Variants in DCC observed in about 807,000 individuals in gnomAD.
DCC encodes the protein netrin receptor DCC.
In DCC, 58 loss-of-function variants were observed where a neutral mutation model predicts 172.5. The observed-to-expected ratio is 0.34, with a 90% CI of 0.27 to 0.42. The LOEUF (loss-of-function observed/expected upper bound fraction) is 0.42. DCC is among the 10% of genes least tolerant of loss of function. The probability of loss-of-function intolerance (pLI) is 1.00; values close to 1 mark genes in which losing one functional copy is unlikely to be tolerated. For synonymous variants in DCC, 709 were observed against 644.5 expected (o/e 1.10, Z -1.52); for missense variants, 1,740 against 1,791.0 (o/e 0.97, Z 0.51).
At chr18:52,675,554 G>A (rs1455223424) in intron 1 of DCC, among the ~76,000 whole-genome samples, 2 of 152,142 alleles carry the variant, frequency 1.3e-5, no homozygotes, top group African/African-American at 4.8e-5. Flanking sequence ...TGACCACCTT[G>A]GGTACATAAT....
At chr18:52,747,048 C>T (rs987259408) in intron 1 of DCC, among the ~76,000 whole-genome samples, 1 of 151,986 alleles carries the variant, frequency 6.6e-6, no homozygotes, top group Non-Finnish European at 1.5e-5. Flanking sequence ...AGATAAGAAA[C>T]GCTAGCCAAT....
At chr18:52,636,032 G>A (rs1401162056) in intron 1 of DCC, among the ~76,000 whole-genome samples, 8 of 152,178 alleles carry the variant, frequency 5.3e-5, no homozygotes, top group Non-Finnish European at 1.0e-4. Context: ...CCCCAACTGC[G>A]GAAGCGGGAA....
intron 12 of DCC, among the ~76,000 whole-genome samples, chr18:53,254,638 C>T (rs542313690): frequency 2.6e-5 from 4 of 152,142 alleles, no homozygotes; most frequent in Non-Finnish European, 5.9e-5. Context: ...ACACCCAGTT[C>T]TATTCCCATG....
chr18:53,014,052 C>A (rs1017270276), intron 5 of DCC, among the ~76,000 whole-genome samples: 1 of 152,124 alleles, frequency 6.6e-6, no homozygotes, highest in African/African-American at 2.4e-5. Context: ...AGCTGTACCT[C>A]AAACCCAGTC....
At chr18:53,307,395 T>C (rs964949930) in intron 13 of DCC, among the ~76,000 whole-genome samples, 2 of 152,164 alleles carry the variant, frequency 1.3e-5, no homozygotes, top group African/African-American at 2.4e-5. Flanking sequence ...ATATGACTTT[T>C]ACTTTGAGAG....
At chr18:52,756,388 C>T (rs1255804036) in intron 2 of DCC, among the ~76,000 whole-genome samples, 1 of 152,176 alleles carries the variant, frequency 6.6e-6, no homozygotes, top group Non-Finnish European at 1.5e-5. Context: ...GAGCTTTCCG[C>T]TGTTGCCATC....
chr18:52,532,923 T>C (rs1443743127), intron 1 of DCC, among the ~76,000 whole-genome samples: 1 of 152,082 alleles, frequency 6.6e-6, no homozygotes, highest in Non-Finnish European at 1.5e-5. Flanking sequence ...GAGAACACCA[T>C]ACCTATTAGT....
chr18:52,942,310 A>G (rs1488425922), intron 5 of DCC, among the ~76,000 whole-genome samples: 1 of 152,194 alleles, frequency 6.6e-6, no homozygotes, highest in Non-Finnish European at 1.5e-5. Context: ...TGTTCAACTC[A>G]TGAAGTAACC....
At chr18:52,770,157 C>T (rs1480889831) in intron 2 of DCC, among the ~76,000 whole-genome samples, 1 of 152,188 alleles carries the variant, frequency 6.6e-6, no homozygotes, top group African/African-American at 2.4e-5. Flanking sequence ...TCCCTTCTCT[C>T]TCTTTTCCTC....
intron 5 of DCC, among the ~76,000 whole-genome samples, chr18:52,945,944 A>G (rs2040538408): frequency 6.6e-6 from 1 of 152,218 alleles, no homozygotes; most frequent in South Asian, 2.1e-4. Flanking sequence ...TGGAACTTCC[A>G]TTCCTGACTA....
chr18:53,100,290 G>T (rs2043152091), intron 7 of DCC, among the ~76,000 whole-genome samples: 2 of 152,044 alleles, frequency 1.3e-5, no homozygotes, highest in African/African-American at 4.8e-5. Context: ...AGCATGAAAT[G>T]AGAAAAGAGT....
chr18:53,531,737 T>C lies in DCC; in HGVS notation c.*1084T>C, dbSNP rs2046527320. On this transcript the variant is annotated 3_prime_UTR_variant, in exon 29 of 29. Coordinates refer to ENST00000442544, the MANE Select transcript of DCC (RefSeq NM_005215.4). ...AAAGGTAGCTTCTAACAGTACCTTCTCTTAAAGAATGCCAACTCTGCCTAC... is the reference window on the plus strand; with the variant it reads ...AAAGGTAGCTTCTAACAGTACCTTCCCTTAAAGAATGCCAACTCTGCCTAC... 6.6e-6 allele frequency: 1 copy of C among 152,126 alleles called. No individual in the cohort carries two copies. Among genetic ancestry groups the C allele is most frequent in the Non-Finnish European group, 1.5e-5 (1 of 68,018 alleles). 9.4% of individuals were successfully genotyped at this position (152,126 alleles called of 1,614,324 possible). A position where few individuals can be genotyped will look rare whatever the true frequency, so the allele number is the denominator to read the frequency against.
At chr18:53,064,003 T>C (rs116232787) in intron 6 of DCC, among the ~76,000 whole-genome samples, 4,161 of 152,194 alleles carry the variant, frequency 0.027, 216 homozygotes, top group African/African-American at 0.095. Flanking sequence ...GCTGGTGGCA[T>C]TGGTGGCTGC....
chr18:52,919,054 C>T (rs1014947480), intron 3 of DCC, among the ~76,000 whole-genome samples: 1 of 152,164 alleles, frequency 6.6e-6, no homozygotes, highest in Non-Finnish European at 1.5e-5. Flanking sequence ...TCAAGATGGC[C>T]TCACTCACAT....
At chr18:52,828,907 T>G (rs16955626) in intron 2 of DCC, among the ~76,000 whole-genome samples, 37,967 of 152,148 alleles carry the variant, frequency 0.25, 4,927 homozygotes, top group South Asian at 0.3. Flanking sequence ...TTTATTCCAA[T>G]TTAATCATGG....
rs1006750966 is a variant in DCC at position 52,958,396 on chromosome 18, A to G, written c.985+33026A>G. On this transcript the variant is annotated intron_variant, in intron 5 of 28. Coordinates refer to ENST00000442544, the MANE Select transcript of DCC (RefSeq NM_005215.4). ...TGAATGGTGTAAGTTGGAAATTTGT[A>G]CTTGGATATGAGAGAGAAGCCTAAA... Among the ~76,000 whole-genome samples, 7 of 152,144 alleles carry G rather than the reference A, an allele frequency of 4.6e-5. No individual in the cohort carries two copies. The South Asian group carries it at 6.2e-4, about 14-fold the overall frequency.
chr18:52,841,359 G>C (rs2038803008), intron 2 of DCC, among the ~76,000 whole-genome samples: 1 of 151,960 alleles, frequency 6.6e-6, no homozygotes, highest in African/African-American at 2.4e-5. Flanking sequence ...CAGTTACAAG[G>C]CTATTTTATC....
rs139531856 is a variant in DCC at position 52,403,900 on chromosome 18, T to A, written c.91+63022T>A. 3.5e-3 allele frequency among the ~76,000 whole-genome samples: 535 copies of A among 152,236 alleles called. 6 individuals carry two copies. The highest frequency in any genetic ancestry group is 0.012 in the African/African-American group (505 of 41,558). On this transcript the variant is annotated intron_variant, in intron 1 of 28. Coordinates refer to ENST00000442544, the MANE Select transcript of DCC (RefSeq NM_005215.4). ...TGTTCACTGAGAGATGAACAAATAA[T>A]GATTTGGAATTCTCTGTGTCACTAG...
chr18:52,782,688 G>T (rs1170188440), intron 2 of DCC, among the ~76,000 whole-genome samples: 7 of 151,852 alleles, frequency 4.6e-5, no homozygotes, highest in Non-Finnish European at 8.8e-5. Flanking sequence ...CTTGTGACTG[G>T]CTGAACCTGG....
Sources: allele counts gnomAD v4.1 joint callset (sites outside exome capture counted in the v4.1 genomes callset), GRCh38; gene constraint gnomAD v4.1.1; transcripts MANE v1.5; gene names NCBI Gene and HGNC (gene_info 2026-07-23, HGNC 2026-07-21).